BRAF: variants seen among roughly 807,000 people sequenced by gnomAD.
The protein encoded by BRAF is B-Raf proto-oncogene, serine/threonine kinase.
Under a neutral mutation model 104.6 loss-of-function variants are expected in BRAF, and 16 were observed. The ratio of observed to expected loss-of-function variants is 0.15; its 90% confidence interval spans 0.10 to 0.23. The LOEUF is 0.23. Among genes scored for constraint, BRAF ranks in the 10% least tolerant of loss-of-function variants. BRAF has a pLI of 1.00. For missense variants in BRAF, 541 were observed against 937.3 expected, an observed-to-expected ratio of 0.58 and a Z score of 5.52; for synonymous variants, 310 against 341.6, an observed-to-expected ratio of 0.91 and a Z score of 1.02.
At chr7:140,805,493 A>G (rs900427839) in intron 5 of BRAF, among the ~76,000 whole-genome samples, 7 of 152,144 alleles carry the variant, frequency 4.6e-5, no homozygotes, top group Non-Finnish European at 8.8e-5. Context: ...CTGTAAGTAT[A>G]CCTTTGTCAA....
chr7:140,873,208 TCGCCCAGG>T (rs919509338), intron 1 of BRAF, among the ~76,000 whole-genome samples: 2 of 144,212 alleles, frequency 1.4e-5, no homozygotes, highest in African/African-American at 2.6e-5. Context: ...GTTCTGCTCG[TCGCCCAGG>T]CTGGAGTGCA....
At chr7:140,871,338 A>G (rs1053236839) in intron 1 of BRAF, among the ~76,000 whole-genome samples, 1 of 151,844 alleles carries the variant, frequency 6.6e-6, no homozygotes, top group Admixed American at 6.6e-5. Flanking sequence ...GCTTACAGGG[A>G]TTTCTGTCTG....
Position 140,772,149 on chromosome 7 carries a change from A to G in BRAF, c.1814+4763T>C, listed in dbSNP as rs1192059192. On this transcript the variant is annotated intron_variant, in intron 14 of 19. Coordinates refer to ENST00000644969, the MANE Select transcript of BRAF (RefSeq NM_001374258.1). ...GAAATGAGTGACCAGAAGTCAAAAGATATGTTAAAATCTGTTACAAAATCA... is the reference window on the plus strand; with the variant it reads ...GAAATGAGTGACCAGAAGTCAAAAGGTATGTTAAAATCTGTTACAAAATCA... 2.6e-5 allele frequency among the ~76,000 whole-genome samples: 4 copies of G among 152,304 alleles called. No individual in the cohort carries two copies. The South Asian group carries it at 6.2e-4, about 24-fold the overall frequency.
At chr7:140,819,725 T>C (rs1183487166) in intron 3 of BRAF, among the ~76,000 whole-genome samples, 1 of 152,120 alleles carries the variant, frequency 6.6e-6, no homozygotes, top group Non-Finnish European at 1.5e-5. Flanking sequence ...GTAAAAGAAG[T>C]CAGTCACAAA....
chr7:140,724,233 C>A lies in BRAF; in HGVS notation c.*2261G>T. On this transcript the variant is annotated 3_prime_UTR_variant, in exon 20 of 20. Transcript: ENST00000644969. ...CCTGCCCCACGGAGGCAGTCCCGGA[C>A]CCAGGCTGCACATGTTCTACCTCCT... 9.4e-7 allele frequency: 1 copy of A among 1,059,454 alleles called. No individual in the cohort carries two copies. Among genetic ancestry groups the A allele is most frequent in the African/African-American group, 1.6e-5 (1 of 60,764 alleles). 65.6% of individuals were successfully genotyped at this position (1,059,454 alleles called of 1,614,324 possible).
chr7:140,722,701 C>G lies in BRAF; in HGVS notation c.*3793G>C. 4 of 1,051,278 alleles carry G rather than the reference C, an allele frequency of 3.8e-6. No homozygotes were observed. Among genetic ancestry groups the G allele is most frequent in the Non-Finnish European group, 4.6e-6 (4 of 870,578 alleles). The allele number at this position is 1,051,278 out of a possible 1,614,324, so 65.1% of individuals were successfully genotyped here. A position where few individuals can be genotyped will look rare whatever the true frequency, so the allele number is the denominator to read the frequency against. On this transcript the variant is annotated 3_prime_UTR_variant, in exon 20 of 20. Coordinates refer to ENST00000644969, the MANE Select transcript of BRAF (RefSeq NM_001374258.1). ...AGCTGGGTGGTCTTTCTATGAATGC[C>G]TGTGCATGTGACAAAGCTGCAGCAA...
At chr7:140,726,718 C>G (rs1031678944) in intron 19 of BRAF, among the ~76,000 whole-genome samples, 1 of 152,138 alleles carries the variant, frequency 6.6e-6, no homozygotes, top group Admixed American at 6.5e-5. Flanking sequence ...TGGTTCAGCT[C>G]TATCAATTAA....
chr7:140,814,702 T>C (rs1296324701), intron 3 of BRAF, among the ~76,000 whole-genome samples: 1 of 146,662 alleles, frequency 6.8e-6, no homozygotes, highest in East Asian at 1.9e-4. Flanking sequence ...TAATTTATAC[T>C]TTATATATAA....
At chr7:140,739,445 AATTC>A (rs746561694) in intron 18 of BRAF, among the ~76,000 whole-genome samples, 7 of 151,340 alleles carry the variant, frequency 4.6e-5, no homozygotes, top group Non-Finnish European at 1.0e-4. Context: ...TACTATGTTT[AATTC>A]ATTAATATTT....
At chr7:140,753,596 T>G (rs1359642093) in intron 15 of BRAF, 1 of 443,774 alleles carries the variant, frequency 2.3e-6, no homozygotes, top group Non-Finnish European at 4.1e-6. Flanking sequence ...AACCTGCTTT[T>G]AAGATTTTTG....
At chr7:140,922,510 T>C (rs1009014791) in intron 1 of BRAF, among the ~76,000 whole-genome samples, 1 of 152,202 alleles carries the variant, frequency 6.6e-6, no homozygotes, top group Middle Eastern at 3.2e-3. Context: ...GTTCCCAAGA[T>C]AAACAATTTT....
chr7:140,885,813 A>G (rs1813497858), intron 1 of BRAF, among the ~76,000 whole-genome samples: 1 of 152,216 alleles, frequency 6.6e-6, no homozygotes, highest in African/African-American at 2.4e-5. Flanking sequence ...GGCTTCATTC[A>G]TATTTGATCT....
chr7:140,766,702 C>T (rs544725539), intron 14 of BRAF, among the ~76,000 whole-genome samples: 4 of 152,120 alleles, frequency 2.6e-5, no homozygotes, highest in African/African-American at 4.8e-5. Context: ...AGACATACAC[C>T]ACCACATCTG....
chr7:140,832,495 A>G (rs933965556), intron 3 of BRAF, among the ~76,000 whole-genome samples: 3 of 152,244 alleles, frequency 2.0e-5, no homozygotes, highest in Admixed American at 6.5e-5. Context: ...GAAAAGAGGT[A>G]GTTAAGAAAA....
chr7:140,915,845 C>T (rs1817568230), intron 1 of BRAF, among the ~76,000 whole-genome samples: 1 of 151,498 alleles, frequency 6.6e-6, no homozygotes, highest in Non-Finnish European at 1.5e-5. Context: ...TACTCTCTCC[C>T]TGGAAGTGTA....
intron 1 of BRAF, among the ~76,000 whole-genome samples, chr7:140,875,791 T>C (rs574482557): frequency 1.8e-4 from 28 of 152,212 alleles, no homozygotes; most frequent in Non-Finnish European, 2.5e-4. Context: ...AAGTTACACA[T>C]TTTAAAGTGC....
At chr7:140,923,583 G>A (rs749978286) in intron 1 of BRAF, among the ~76,000 whole-genome samples, 4 of 152,322 alleles carry the variant, frequency 2.6e-5, no homozygotes, top group East Asian at 1.9e-4. Flanking sequence ...GGAATAAAGA[G>A]GTGTGAATGC....
chr7:140,742,560 C>A (rs1008766836), intron 17 of BRAF, among the ~76,000 whole-genome samples: 1 of 152,280 alleles, frequency 6.6e-6, no homozygotes, highest in Middle Eastern at 3.4e-3. Flanking sequence ...TTTGAAAAAA[C>A]TGATTTGCCA....
intron 14 of BRAF, among the ~76,000 whole-genome samples, chr7:140,771,274 C>T (rs924551190): frequency 2.0e-5 from 3 of 152,290 alleles, no homozygotes; most frequent in Admixed American, 6.5e-5. Flanking sequence ...TGGCTCACTG[C>T]AGCCTCGACT....
Sources: gnomAD v4.1 joint callset for allele counts (sites outside exome capture counted in the v4.1 genomes callset) on GRCh38, gnomAD v4.1.1 for gene constraint, MANE v1.5 for transcripts, NCBI Gene and HGNC (gene_info 2026-07-23, HGNC 2026-07-21) for gene names.